The following DNAH11 variants were observed in gnomAD, a reference collection of about 807,000 sequenced individuals.
DNAH11 encodes dynein axonemal heavy chain 11, also known as axonemal beta dynein heavy chain 11.
DNAH11 carries 442 observed loss-of-function variants against 526.0 expected under a neutral mutation model. The observed-to-expected ratio is 0.84, with a 90% CI of 0.78 to 0.91. The LOEUF (loss-of-function observed/expected upper bound fraction) is 0.91. DNAH11 is among the 40% of genes least tolerant of loss of function. The probability of loss-of-function intolerance (pLI) is 0.00; values close to 1 mark genes in which losing one functional copy is unlikely to be tolerated. For synonymous variants in DNAH11, 2,461 were observed against 1,935.9 expected, an observed-to-expected ratio of 1.27 and a Z score of -7.12; for missense variants, 6,989 against 5,448.7, an observed-to-expected ratio of 1.28 and a Z score of -8.90.
At chr7:21,674,568 G>T (rs1445324868) in intron 30 of DNAH11, among the ~76,000 whole-genome samples, 3 of 152,092 alleles carry the variant, frequency 2.0e-5, no homozygotes, top group Non-Finnish European at 4.4e-5. Flanking sequence ...TCGCCATGTT[G>T]ACCAGGCCTG....
Position 21,600,686 on chromosome 7 carries a change from A to T in DNAH11, c.3011A>T (p.Asp1004Val). Residue 1004 changes from aspartate (D) to valine (V), a missense_variant, in exon 16 of 82, where the codon GAT becomes GTT. By Grantham distance (152) the Asp-to-Val change is radical. Coordinates refer to ENST00000409508, the MANE Select transcript of DNAH11 (RefSeq NM_001277115.2). ...LEIKNYQNDM[D>V]NMLGLAEVRQ... is the part of the protein sequence containing the mutation. ...TTTCCTCTCATTTAGAATGATATGGATAACATGTTAGGCCTGGCAGAGGTC... is the reference window on the plus strand; with the variant it reads ...TTTCCTCTCATTTAGAATGATATGGTTAACATGTTAGGCCTGGCAGAGGTC... 1 of 1,609,698 alleles carries T rather than the reference A, an allele frequency of 6.2e-7. No homozygotes were observed.
chr7:21,578,583 C>G (rs142671884), intron 8 of DNAH11, among the ~76,000 whole-genome samples: 4,313 of 152,304 alleles, frequency 0.028, 417 homozygotes, highest in Admixed American at 0.19. Flanking sequence ...TGACCCTCTT[C>G]TCACAGCTCC....
chr7:21,621,224 G>A (rs1025625864), intron 25 of DNAH11, among the ~76,000 whole-genome samples: 4 of 152,120 alleles, frequency 2.6e-5, no homozygotes, highest in African/African-American at 9.7e-5. Flanking sequence ...AAATCTAGAA[G>A]AAATGGATAA....
chr7:21,854,503 T>G (rs1782759446), intron 68 of DNAH11, 48 bp downstream of exon 68: 1 of 1,560,972 alleles, frequency 6.4e-7, no homozygotes, highest in Admixed American at 1.8e-5. Context: ...GGAGTTCAAT[T>G]TGTTTCTGGA....
At chr7:21,817,227 A>G (rs1230544756) in intron 64 of DNAH11, among the ~76,000 whole-genome samples, 1 of 152,164 alleles carries the variant, frequency 6.6e-6, no homozygotes, top group South Asian at 2.1e-4. Flanking sequence ...CTGAGTCATC[A>G]TGATAATACT....
chr7:21,752,493 C>A (rs73682696), intron 54 of DNAH11, among the ~76,000 whole-genome samples: 69 of 152,200 alleles, frequency 4.5e-4, no homozygotes, highest in African/African-American at 1.6e-3. Flanking sequence ...GGCAATTATT[C>A]TTATATATGT....
At chr7:21,626,351 C>A (rs1471027798) in intron 25 of DNAH11, among the ~76,000 whole-genome samples, 2 of 152,078 alleles carry the variant, frequency 1.3e-5, no homozygotes, top group African/African-American at 4.8e-5. Context: ...ATTCTTAAAT[C>A]TATCTGTTAG....
chr7:21,616,515 T>A (rs1179022210), intron 22 of DNAH11, among the ~76,000 whole-genome samples: 1 of 152,160 alleles, frequency 6.6e-6, no homozygotes, highest in Non-Finnish European at 1.5e-5. Flanking sequence ...AATGAATTTA[T>A]GAGAAGCTAC....
intron 23 of DNAH11, 103 bp downstream of exon 23, chr7:21,617,880 C>G: frequency 2.5e-6 from 3 of 1,221,500 alleles, no homozygotes; most frequent in South Asian, 2.0e-5. Flanking sequence ...AAAGACCCCC[C>G]TCAGCATAGC....
intron 18 of DNAH11, among the ~76,000 whole-genome samples, chr7:21,602,405 T>G (rs192594095): frequency 6.6e-6 from 1 of 152,300 alleles, no homozygotes; most frequent in East Asian, 1.9e-4. Context: ...CTGTGCTTTC[T>G]AAATAGATTT....
intron 20 of DNAH11, among the ~76,000 whole-genome samples, chr7:21,611,706 A>G (rs1477944416): frequency 6.6e-6 from 1 of 152,216 alleles, no homozygotes; most frequent in African/African-American, 2.4e-5. Context: ...TGATTAGGCT[A>G]AGAGCATACT....
intron 70 of DNAH11, among the ~76,000 whole-genome samples, chr7:21,866,264 TC>T (rs1783272135): frequency 6.8e-6 from 1 of 147,102 alleles, no homozygotes; most frequent in Admixed American, 7.0e-5. Flanking sequence ...CCCAACTAGG[TC>T]AGGGAACCAG....
intron 61 of DNAH11, among the ~76,000 whole-genome samples, chr7:21,790,946 T>C (rs1788455220): frequency 6.6e-6 from 1 of 152,076 alleles, no homozygotes; most frequent in African/African-American, 2.4e-5. Flanking sequence ...ACAACCAAAG[T>C]GAATGGATGC....
intron 18 of DNAH11, among the ~76,000 whole-genome samples, chr7:21,602,582 TG>T (rs1785136659): frequency 1.3e-5 from 2 of 151,300 alleles, no homozygotes; most frequent in Non-Finnish European, 2.9e-5. Context: ...TGTGTGTGTG[TG>T]TGTGTGTGTG....
intron 28 of DNAH11, among the ~76,000 whole-genome samples, chr7:21,650,758 G>T (rs911875402): frequency 6.6e-6 from 1 of 151,702 alleles, no homozygotes; most frequent in Non-Finnish European, 1.5e-5. Context: ...TCCTGCCTCA[G>T]CCTCCAGAGT....
intron 34 of DNAH11, among the ~76,000 whole-genome samples, chr7:21,688,232 C>T (rs984057600): frequency 1.3e-5 from 2 of 152,118 alleles, no homozygotes; most frequent in Admixed American, 6.5e-5. Context: ...CCCCTCACAG[C>T]GCTTCATTGC....
chr7:21,639,193 T>C, intron 28 of DNAH11, 128 bp downstream of exon 28: 1 of 1,168,212 alleles, frequency 8.6e-7, no homozygotes, highest in Middle Eastern at 2.4e-4. Context: ...CAGTTAAAAT[T>C]TGTAATGTAG....
At chr7:21,802,494 A>AT (rs1323660199) in intron 62 of DNAH11, among the ~76,000 whole-genome samples, 1 of 152,192 alleles carries the variant, frequency 6.6e-6, no homozygotes, top group African/African-American at 2.4e-5. Flanking sequence ...AAGAAAATAA[A>AT]TGTCCATTAA....
intron 55 of DNAH11, among the ~76,000 whole-genome samples, chr7:21,767,522 G>A (rs1562534301): frequency 6.6e-6 from 1 of 152,184 alleles, no homozygotes; most frequent in Non-Finnish European, 1.5e-5. Flanking sequence ...CAGGTGCTAA[G>A]CTGGATCTGA....
Sources: allele counts gnomAD v4.1 joint callset (sites outside exome capture counted in the v4.1 genomes callset), GRCh38; gene constraint gnomAD v4.1.1; transcripts MANE v1.5; gene names NCBI Gene and HGNC (gene_info 2026-07-23, HGNC 2026-07-21).